The following LINGO2 variants were observed in gnomAD, a reference collection of about 807,000 sequenced individuals.
LINGO2 encodes the protein leucine rich repeat and Ig domain containing 2.
A neutral mutation model predicts 30.6 loss-of-function variants in LINGO2; 14 were observed. The ratio of observed to expected loss-of-function variants is 0.46; its 90% confidence interval spans 0.30 to 0.72. LINGO2 has a LOEUF of 0.72. LINGO2 is among the 30% of genes least tolerant of loss of function. LINGO2 has a pLI of 0.07. For missense variants in LINGO2, 729 were observed against 751.7 expected (o/e 0.97, Z 0.35); for synonymous variants, 317 against 288.5 (o/e 1.10, Z -1.00).
At chr9:28,927,621 A>G in the LINGO2 span, among the ~76,000 whole-genome samples, 1 of 152,222 alleles carries the variant, frequency 6.6e-6, no homozygotes, top group Non-Finnish European at 1.5e-5. Context: ...GATAATGTAA[A>G]TAAGTTGAAG....
Position 28,130,220 on chromosome 9 carries a change from C to A in LINGO2, c.-86-117815G>T, listed in dbSNP as rs1827345925. Among the ~76,000 whole-genome samples, 2 of 152,198 alleles carry A rather than the reference C, an allele frequency of 1.3e-5. No individual in the cohort carries two copies. Among genetic ancestry groups the A allele is most frequent in the Admixed American group, 1.3e-4 (2 of 15,282 alleles). On this transcript the variant is annotated intron_variant, in intron 4 of 5. Coordinates refer to ENST00000379992, the Ensembl canonical transcript of LINGO2. This position sits in a 1 kb window ranked among gnomAD's most constrained non-coding sequence, Gnocchi z 5.2. The stretch of plus-strand genomic sequence containing the variant: ...ACCCTCTAAAATAGACCTTAACACA[C>A]TTCATCAGATTTTGAAACTTGCTGC...
At chr9:28,737,162 TAG>T in the LINGO2 span, among the ~76,000 whole-genome samples, 1 of 152,218 alleles carries the variant, frequency 6.6e-6, no homozygotes, top group African/African-American at 2.4e-5. Flanking sequence ...TCTTCTTGAA[TAG>T]AAAAGGTCAT....
intron 2 of LINGO2, among the ~76,000 whole-genome samples, chr9:28,466,283 A>C (rs751479659): frequency 6.6e-6 from 1 of 152,244 alleles, no homozygotes; most frequent in Non-Finnish European, 1.5e-5. Flanking sequence ...CTATTCAGCC[A>C]TAAAAAAGAT....
chr9:28,646,207 G>GA (rs1187752205), intron 1 of LINGO2, among the ~76,000 whole-genome samples: 1 of 151,960 alleles, frequency 6.6e-6, no homozygotes, highest in Admixed American at 6.6e-5. Context: ...TTCCATGTAA[G>GA]AAAATAAGTA....
At chr9:28,346,099 C>CAAACAGGTT (rs1433866616) in intron 3 of LINGO2, among the ~76,000 whole-genome samples, 3 of 152,064 alleles carry the variant, frequency 2.0e-5, no homozygotes, top group Non-Finnish European at 4.4e-5. Flanking sequence ...GGTACATGTG[C>CAAACAGGTT]AGGTTTGTTA....
At chr9:29,056,520 G>A in the LINGO2 span, among the ~76,000 whole-genome samples, 4 of 152,032 alleles carry the variant, frequency 2.6e-5, no homozygotes, top group Non-Finnish European at 5.9e-5. Context: ...AGTTTGTGAA[G>A]GTTTTCTCCC....
the LINGO2 span, among the ~76,000 whole-genome samples, chr9:28,971,258 T>C: frequency 2.0e-5 from 3 of 152,196 alleles, no homozygotes; most frequent in Admixed American, 1.3e-4. Flanking sequence ...TCAAGGGCCT[T>C]AGGTGAGCCT....
chr9:28,775,217 G>T, the LINGO2 span, among the ~76,000 whole-genome samples: 1 of 152,048 alleles, frequency 6.6e-6, no homozygotes, highest in Non-Finnish European at 1.5e-5. Context: ...GAAAGGTCCC[G>T]GTGTTTTGGT....
chr9:28,785,691 C>A, the LINGO2 span, among the ~76,000 whole-genome samples: 2 of 147,772 alleles, frequency 1.4e-5, no homozygotes, highest in African/African-American at 5.0e-5. Context: ...CACACGCACA[C>A]ACACACACAC....
chr9:28,829,486 T>A, the LINGO2 span, among the ~76,000 whole-genome samples: 1 of 152,158 alleles, frequency 6.6e-6, no homozygotes, highest in Non-Finnish European at 1.5e-5. Flanking sequence ...ACCTATAACA[T>A]TCCTTTGGCT....
At chr9:28,785,545 A>G in the LINGO2 span, among the ~76,000 whole-genome samples, 3 of 152,140 alleles carry the variant, frequency 2.0e-5, no homozygotes, top group Non-Finnish European at 4.4e-5. Context: ...GAACAAAAAC[A>G]TTGTCACTTT....
chr9:29,060,915 T>C, the LINGO2 span, among the ~76,000 whole-genome samples: 1 of 151,936 alleles, frequency 6.6e-6, no homozygotes, highest in Non-Finnish European at 1.5e-5. Context: ...AGTTTTAAGA[T>C]GTATCTTTAG....
intron 4 of LINGO2, among the ~76,000 whole-genome samples, chr9:28,208,635 C>T (rs189117368): frequency 2.6e-4 from 39 of 152,014 alleles, no homozygotes; most frequent in African/African-American, 1.4e-4. Context: ...CTTACTTCTA[C>T]GGAGAATAAA....
At chr9:28,418,867 A>G (rs1823076462) in intron 2 of LINGO2, among the ~76,000 whole-genome samples, 1 of 152,054 alleles carries the variant, frequency 6.6e-6, no homozygotes, top group South Asian at 2.1e-4. Flanking sequence ...TATCAAGTTA[A>G]AAACTGTCTT....
intron 2 of LINGO2, among the ~76,000 whole-genome samples, chr9:28,453,060 A>G (rs1251516343): frequency 6.6e-6 from 1 of 151,966 alleles, no homozygotes; most frequent in Non-Finnish European, 1.5e-5. Flanking sequence ...AATAGATTTG[A>G]GTAGAATGAT....
chr9:28,714,164 AATAT>A, the LINGO2 span, among the ~76,000 whole-genome samples: 2,187 of 117,160 alleles, frequency 0.019, 75 homozygotes, highest in Non-Finnish European at 0.024. Context: ...TGCCTCAAAT[AATAT>A]ATATATATAT....
rs944751703 is a variant in LINGO2 at position 28,329,358 on chromosome 9, T to A, written c.-245-33992A>T. On this transcript the variant is annotated intron_variant, in intron 3 of 5. Transcript: ENST00000379992. This position sits in a 1 kb window ranked among gnomAD's most constrained non-coding sequence, Gnocchi z 4.5. Reference sequence around the variant, plus strand: ...ATACTCCCTTCAAAGCAGTACCTTCTGCCTGTTACTAAACCCCTTCTCTCC... The same window carrying A: ...ATACTCCCTTCAAAGCAGTACCTTCAGCCTGTTACTAAACCCCTTCTCTCC... Among the ~76,000 whole-genome samples the A allele has an allele frequency of 6.6e-6, 1 of 152,196 alleles. No individual in the cohort carries two copies. The highest frequency in any genetic ancestry group is 1.5e-5 in the Non-Finnish European group (1 of 68,028).
At chr9:28,912,587 T>C in the LINGO2 span, among the ~76,000 whole-genome samples, 17 of 152,150 alleles carry the variant, frequency 1.1e-4, no homozygotes, top group Non-Finnish European at 1.5e-5. Flanking sequence ...ACTGGACAAG[T>C]AACCCTTATG....
At chr9:28,669,579 A>G (rs1004722866) in intron 1 of LINGO2, among the ~76,000 whole-genome samples, 4 of 152,088 alleles carry the variant, frequency 2.6e-5, no homozygotes, top group Admixed American at 1.3e-4. Context: ...AAAAATACCC[A>G]TTGTGATGCT....
Sources: allele counts gnomAD v4.1 joint callset (sites outside exome capture counted in the v4.1 genomes callset), GRCh38; gene constraint gnomAD v4.1.1; non-coding constraint Gnocchi (gnomAD v3.1); transcripts MANE v1.5; gene names NCBI Gene and HGNC (gene_info 2026-07-23, HGNC 2026-07-21).